MTUS2: variants seen among roughly 807,000 people sequenced by gnomAD.
The protein encoded by MTUS2 is microtubule associated scaffold protein 2.
MTUS2 carries 40 observed loss-of-function variants against 114.1 expected under a neutral mutation model. The ratio of observed to expected loss-of-function variants is 0.35; its 90% confidence interval spans 0.27 to 0.46. The LOEUF is 0.46. Among genes scored for constraint, MTUS2 ranks in the 20% least tolerant of loss-of-function variants. MTUS2 has a pLI of 1.00. For missense variants in MTUS2, 1,679 were observed against 1,705.4 expected (o/e 0.98, Z 0.27); for synonymous variants, 688 against 672.0 (o/e 1.02, Z -0.37).
chr13:29,067,353 G>C (rs1336774632), intron 4 of MTUS2, among the ~76,000 whole-genome samples: 2 of 152,066 alleles, frequency 1.3e-5, no homozygotes, highest in African/African-American at 4.8e-5. Flanking sequence ...GTGGGAGTGG[G>C]GAGACACCAG....
At chr13:29,191,057 G>T (rs1438549406) in intron 5 of MTUS2, among the ~76,000 whole-genome samples, 2 of 152,136 alleles carry the variant, frequency 1.3e-5, no homozygotes, top group Non-Finnish European at 2.9e-5. Flanking sequence ...TATGAGGGAA[G>T]CCCAGGAGGT....
At chr13:28,997,696 G>T (rs1248852614) in intron 2 of MTUS2, among the ~76,000 whole-genome samples, 1 of 151,976 alleles carries the variant, frequency 6.6e-6, no homozygotes, top group Non-Finnish European at 1.5e-5. Context: ...TGTTTTATCA[G>T]AGACTAGGAT....
chr13:29,487,186 C>T (rs906980966), intron 10 of MTUS2, among the ~76,000 whole-genome samples: 1 of 152,166 alleles, frequency 6.6e-6, no homozygotes, highest in African/African-American at 2.4e-5. Context: ...AAAACAGACA[C>T]ACAGACCTGC....
intron 2 of MTUS2, among the ~76,000 whole-genome samples, chr13:29,022,927 A>G (rs1886354217): frequency 6.6e-6 from 1 of 152,240 alleles, no homozygotes; most frequent in South Asian, 2.1e-4. Context: ...CTGCAAATAC[A>G]TAATACGTGC....
At chr13:28,885,602 T>TTA (rs1247951342) in intron 2 of MTUS2, among the ~76,000 whole-genome samples, 1 of 152,178 alleles carries the variant, frequency 6.6e-6, no homozygotes, top group Non-Finnish European at 1.5e-5. Flanking sequence ...GACGCCAATT[T>TTA]TACTACCTTT....
chr13:28,944,415 T>G (rs1009519316), intron 2 of MTUS2, among the ~76,000 whole-genome samples: 1 of 152,170 alleles, frequency 6.6e-6, no homozygotes, highest in Non-Finnish European at 1.5e-5. Context: ...CAGGGTAACT[T>G]CTGTGTGCTT....
intron 5 of MTUS2, among the ~76,000 whole-genome samples, chr13:29,137,281 C>T (rs1213301534): frequency 6.6e-6 from 1 of 152,072 alleles, no homozygotes; most frequent in Non-Finnish European, 1.5e-5. Context: ...TCAAAATTAT[C>T]TCTGTCTTTT....
intron 8 of MTUS2, among the ~76,000 whole-genome samples, chr13:29,409,946 G>C (rs1428354401): frequency 6.6e-6 from 1 of 152,036 alleles, no homozygotes; most frequent in Non-Finnish European, 1.5e-5. Context: ...TATTGTTAAA[G>C]ATATATCCTC....
chr13:29,461,181 C>G (rs893273452), intron 9 of MTUS2, among the ~76,000 whole-genome samples: 2 of 151,956 alleles, frequency 1.3e-5, no homozygotes, highest in Admixed American at 6.6e-5. Flanking sequence ...AGAGTGAGGG[C>G]AGGACAGAGA....
chr13:29,461,959 C>T (rs1195855509), intron 9 of MTUS2, among the ~76,000 whole-genome samples: 2 of 152,018 alleles, frequency 1.3e-5, no homozygotes, highest in Admixed American at 6.6e-5. Context: ...AGATCCAGAC[C>T]CAAAAAGAAG....
chr13:29,267,322 A>G (rs981321403), intron 5 of MTUS2, among the ~76,000 whole-genome samples: 5 of 152,208 alleles, frequency 3.3e-5, no homozygotes, highest in African/African-American at 9.7e-5. Context: ...GGTCCTCCCA[A>G]CCACGCCTTC....
intron 2 of MTUS2, among the ~76,000 whole-genome samples, chr13:28,959,963 A>T (rs1349778792): frequency 6.6e-6 from 1 of 152,256 alleles, no homozygotes; most frequent in Non-Finnish European, 1.5e-5. Context: ...ATAATATGCA[A>T]AATGTCCAGT....
At chr13:29,217,042 A>G (rs574147995) in intron 5 of MTUS2, among the ~76,000 whole-genome samples, 7 of 152,266 alleles carry the variant, frequency 4.6e-5, no homozygotes, top group African/African-American at 1.4e-4. Context: ...ATTTTCCATA[A>G]TTTGATTCTT....
chr13:28,950,876 T>C (rs374225948), intron 2 of MTUS2, among the ~76,000 whole-genome samples: 10 of 152,208 alleles, frequency 6.6e-5, no homozygotes, highest in African/African-American at 2.2e-4. Context: ...ATGGCACCGA[T>C]AGACTTGCAC....
In MTUS2 at chr13:29,042,438, A is replaced by G. The variant is rs1339551027; in HGVS notation, c.2446+8313A>G. ...TGGTCTGTAATGTTTCTTTTTTGTG[A>G]TGTTCTTTCCTGGTTTTAGTGTTAG... On this transcript the variant is annotated intron_variant, in intron 4 of 15. Transcript: ENST00000612955. Among the ~76,000 whole-genome samples the G allele has an allele frequency of 5.3e-5, 8 of 151,640 alleles. No individual in the cohort carries two copies. In the East Asian group the frequency reaches 1.4e-3, roughly 26 times the overall value.
intron 8 of MTUS2, among the ~76,000 whole-genome samples, chr13:29,423,317 G>A (rs890293488): frequency 6.6e-6 from 1 of 152,184 alleles, no homozygotes; most frequent in African/African-American, 2.4e-5. Flanking sequence ...GCTCTCAAAA[G>A]ACAACAAACA....
At chr13:29,127,491 A>G (rs1361890327) in intron 5 of MTUS2, among the ~76,000 whole-genome samples, 3 of 152,196 alleles carry the variant, frequency 2.0e-5, no homozygotes, top group Admixed American at 6.5e-5. Flanking sequence ...GGCCTTAAAG[A>G]GCAAAACTGA....
chr13:29,328,410 A>C (rs1900619903), intron 7 of MTUS2, among the ~76,000 whole-genome samples: 1 of 152,380 alleles, frequency 6.6e-6, no homozygotes, highest in African/African-American at 2.4e-5. Flanking sequence ...GAAGGCATAC[A>C]TTGGTTTGGC....
At chr13:29,277,166 G>C (rs549099800) in intron 5 of MTUS2, among the ~76,000 whole-genome samples, 4 of 152,162 alleles carry the variant, frequency 2.6e-5, no homozygotes, top group African/African-American at 9.7e-5. Flanking sequence ...CCCCAGTGGA[G>C]TAGTGCTGCC....
Sources: gnomAD v4.1 joint callset for allele counts (sites outside exome capture counted in the v4.1 genomes callset) on GRCh38, gnomAD v4.1.1 for gene constraint, MANE v1.5 for transcripts, NCBI Gene and HGNC (gene_info 2026-07-23, HGNC 2026-07-21) for gene names.